TMTC4: variants seen among roughly 807,000 people sequenced by gnomAD.
The protein encoded by TMTC4 is protein O-mannosyl-transferase TMTC4.
In TMTC4, 65 loss-of-function variants were observed where a neutral mutation model predicts 86.0. The ratio of observed to expected loss-of-function variants is 0.76; its 90% confidence interval spans 0.62 to 0.93. The LOEUF (loss-of-function observed/expected upper bound fraction) is 0.93. Ranked by LOEUF, TMTC4 falls within the 40% of genes least tolerant of loss-of-function variation. TMTC4 has a pLI of 0.00. For missense variants in TMTC4, 866 were observed against 948.1 expected (o/e 0.91, Z 1.14); for synonymous variants, 379 against 382.5 (o/e 0.99, Z 0.11).
intron 12 of TMTC4, among the ~76,000 whole-genome samples, chr13:100,633,313 A>G (rs1239562993): frequency 0.054 from 213 of 3,966 alleles, 1 homozygote; most frequent in Admixed American, 0.11. Context: ...CATCTCAGGG[A>G]AAAAAAAAAA....
At chr13:100,674,007 T>C (rs769093242) in intron 1 of TMTC4, 4 of 984,702 alleles carry the variant, frequency 4.1e-6, no homozygotes, top group Non-Finnish European at 2.4e-6. Flanking sequence ...CCTTCTTTTG[T>C]GTGTGGTTTA....
At chr13:100,627,165 G>A (rs1195267302) in intron 12 of TMTC4, among the ~76,000 whole-genome samples, 2 of 152,212 alleles carry the variant, frequency 1.3e-5, no homozygotes, top group Non-Finnish European at 2.9e-5. Context: ...TCTGAGCAAG[G>A]GCCTCGGTGT....
intron 2 of TMTC4, 128 bp downstream of exon 2, chr13:100,670,232 A>C: frequency 2.9e-6 from 3 of 1,022,714 alleles, no homozygotes; most frequent in Non-Finnish European, 4.2e-6. Context: ...TGGATCTCTA[A>C]GTGGATACCC....
At chr13:100,629,313 T>C (rs1048526288) in intron 12 of TMTC4, among the ~76,000 whole-genome samples, 2 of 152,082 alleles carry the variant, frequency 1.3e-5, no homozygotes, top group South Asian at 2.1e-4. Flanking sequence ...CTAACAACAG[T>C]CACGGTGAAT....
intron 10 of TMTC4, among the ~76,000 whole-genome samples, chr13:100,635,413 G>C (rs562810907): frequency 1.3e-5 from 2 of 152,272 alleles, no homozygotes; most frequent in East Asian, 1.9e-4. Flanking sequence ...TTCACAGCGA[G>C]TCTAAGGGTA....
chr13:100,661,709 G>T (rs6491573), intron 5 of TMTC4, among the ~76,000 whole-genome samples: 1 of 152,070 alleles, frequency 6.6e-6, no homozygotes, highest in African/African-American at 2.4e-5. Flanking sequence ...ATCAGGAGGA[G>T]GGTGTGATAA....
At chr13:100,666,138 A>G (rs1886368971) in intron 3 of TMTC4, 4 of 443,592 alleles carry the variant, frequency 9.0e-6, no homozygotes, top group African/African-American at 4.0e-5. Flanking sequence ...TCTTCCTCAT[A>G]ATGATTTATG....
At chr13:100,636,159 C>T (rs1338742951) in intron 10 of TMTC4, among the ~76,000 whole-genome samples, 1 of 152,142 alleles carries the variant, frequency 6.6e-6, no homozygotes, top group East Asian at 1.9e-4. Flanking sequence ...ATCATGGCAG[C>T]GTTCACCAGG....
intron 3 of TMTC4, chr13:100,666,224 A>G (rs1315759209): frequency 5.7e-6 from 2 of 351,720 alleles, no homozygotes; most frequent in South Asian, 2.2e-5. Flanking sequence ...GGAACAAAAA[A>G]GGCAACTCCA....
intron 7 of TMTC4, chr13:100,638,947 T>G (rs1478042136): frequency 6.6e-6 from 1 of 152,242 alleles, no homozygotes; most frequent in East Asian, 1.9e-4. Context: ...AGTTACTTTC[T>G]AGCCGGTAAA....
At chr13:100,619,988 AGACT>A (rs1879231698) in intron 15 of TMTC4, among the ~76,000 whole-genome samples, 1 of 152,246 alleles carries the variant, frequency 6.6e-6, no homozygotes, top group Non-Finnish European at 1.5e-5. Flanking sequence ...ATTGAAGAAT[AGACT>A]GAATCAGATA....
chr13:100,673,864 C>G (rs1459310164), intron 1 of TMTC4, among the ~76,000 whole-genome samples: 1 of 152,162 alleles, frequency 6.6e-6, no homozygotes, highest in Non-Finnish European at 1.5e-5. Context: ...AGAAAAGGGA[C>G]AGGGAGGGGA....
At chr13:100,633,977 T>C (rs143401229) in intron 12 of TMTC4, among the ~76,000 whole-genome samples, 71 of 152,184 alleles carry the variant, frequency 4.7e-4, no homozygotes, top group Admixed American at 8.5e-4. Flanking sequence ...CTGTCTCTAC[T>C]AAAAATACAA....
At chr13:100,609,399 T>A (rs565110205) in intron 17 of TMTC4, among the ~76,000 whole-genome samples, 7 of 151,842 alleles carry the variant, frequency 4.6e-5, no homozygotes, top group Non-Finnish European at 8.8e-5. Context: ...GGCAAAAAAA[T>A]ATCATAAAGG....
At chr13:100,639,499 G>C (rs559536828) in intron 7 of TMTC4, among the ~76,000 whole-genome samples, 1 of 152,346 alleles carries the variant, frequency 6.6e-6, no homozygotes, top group East Asian at 1.9e-4. Flanking sequence ...GTGGTGAAGA[G>C]GCCTGAGCCA....
At chr13:100,646,367 G>A (rs190447969) in intron 6 of TMTC4, among the ~76,000 whole-genome samples, 3 of 152,306 alleles carry the variant, frequency 2.0e-5, no homozygotes, top group Admixed American at 6.5e-5. Context: ...AATAAGCTTT[G>A]TGCTCCCGAC....
Position 100,630,061 on chromosome 13 carries a change from G to A in TMTC4, c.1507-3911C>T, listed in dbSNP as rs969131070. Among the ~76,000 whole-genome samples, 282 of 148,286 alleles carry A rather than the reference G, an allele frequency of 1.9e-3. 1 individual carries two copies. The highest frequency in any genetic ancestry group is 5.4e-3 in the African/African-American group (211 of 38,774). On this transcript the variant is annotated intron_variant, in intron 12 of 18. Coordinates refer to ENST00000342624, the MANE Select transcript of TMTC4 (RefSeq NM_032813.5). ...TGTGTGTGTGTGTGTGTGTGTGTGTGTGTGTATGTGTGTGTGTGTGTTTAT... is the reference window on the plus strand; with the variant it reads ...TGTGTGTGTGTGTGTGTGTGTGTGTATGTGTATGTGTGTGTGTGTGTTTAT...
chr13:100,644,922 C>A (rs1181256781), intron 6 of TMTC4, among the ~76,000 whole-genome samples: 1 of 152,012 alleles, frequency 6.6e-6, no homozygotes, highest in African/African-American at 2.4e-5. Context: ...TCAAGAAACT[C>A]TCCTGCCTCA....
intron 15 of TMTC4, among the ~76,000 whole-genome samples, chr13:100,618,272 C>T (rs147137144): frequency 4.6e-5 from 7 of 152,102 alleles, no homozygotes; most frequent in Admixed American, 3.3e-4. Flanking sequence ...CGAATCACAC[C>T]GTCCATGAAG....
Sources: allele counts gnomAD v4.1 joint callset (sites outside exome capture counted in the v4.1 genomes callset), GRCh38; gene constraint gnomAD v4.1.1; transcripts MANE v1.5; gene names NCBI Gene and HGNC (gene_info 2026-07-23, HGNC 2026-07-21).